MAF: variants seen among roughly 807,000 people sequenced by gnomAD.
The protein encoded by MAF is transcription factor Maf.
Under a neutral mutation model 22.0 loss-of-function variants are expected in MAF, and 10 were observed. The ratio of observed to expected loss-of-function variants is 0.45; its 90% CI spans 0.28 to 0.77. The LOEUF is 0.77. Among genes scored for constraint, MAF ranks in the 30% least tolerant of loss-of-function variants. The pLI is 0.12. For synonymous variants in MAF, 337 were observed against 255.8 expected (o/e 1.32, Z -3.03); for missense variants, 544 against 548.4 (o/e 0.99, Z 0.08).
the MAF span, among the ~76,000 whole-genome samples, chr16:79,303,819 C>T: frequency 1.5e-4 from 23 of 152,268 alleles, no homozygotes; most frequent in African/African-American, 5.5e-4. Flanking sequence ...TTAGGACCAT[C>T]AGAACTCACT....
At chr16:79,335,838 G>C in the MAF span, among the ~76,000 whole-genome samples, 91 of 152,312 alleles carry the variant, frequency 6.0e-4, no homozygotes, top group African/African-American at 1.9e-3. Flanking sequence ...CTTTTGCTCA[G>C]AGGGGACAAG....
At chr16:79,596,106 C>G (rs1304117565) in intron 1 of MAF, 3 of 1,062,006 alleles carry the variant, frequency 2.8e-6, no homozygotes, top group Non-Finnish European at 3.4e-6. Context: ...ACCTCTGATG[C>G]GCCATATTTG....
At chr16:79,436,326 G>A in the MAF span, among the ~76,000 whole-genome samples, 11 of 152,304 alleles carry the variant, frequency 7.2e-5, 1 homozygote, top group African/African-American at 2.6e-4. Flanking sequence ...CAGGTGATCT[G>A]CCCGCTTCAG....
At chr16:79,426,423 A>G in the MAF span, among the ~76,000 whole-genome samples, 1 of 152,180 alleles carries the variant, frequency 6.6e-6, no homozygotes, top group Non-Finnish European at 1.5e-5. Flanking sequence ...GAATATAGCT[A>G]ATAGAACTGT....
the MAF span, among the ~76,000 whole-genome samples, chr16:79,313,713 C>T: frequency 7.9e-5 from 12 of 152,228 alleles, no homozygotes; most frequent in East Asian, 2.1e-3. Context: ...ACCCTAAGCC[C>T]CAGTCTCAGG....
At chr16:79,559,181 G>GT in the MAF span, among the ~76,000 whole-genome samples, 1 of 152,170 alleles carries the variant, frequency 6.6e-6, no homozygotes, top group Admixed American at 6.5e-5. Flanking sequence ...GCACCATCAA[G>GT]AAGATGGCTG....
chr16:79,376,055 T>C, the MAF span, among the ~76,000 whole-genome samples: 6,848 of 151,972 alleles, frequency 0.045, 490 homozygotes, highest in African/African-American at 0.16. Context: ...TTTCAAAACA[T>C]TGACATTGCC....
chr16:79,399,300 C>T, the MAF span, among the ~76,000 whole-genome samples: 4 of 152,208 alleles, frequency 2.6e-5, no homozygotes, highest in Non-Finnish European at 5.9e-5. Flanking sequence ...GTGCTCATGA[C>T]AAGACAACTA....
At chr16:79,534,774 G>T in the MAF span, among the ~76,000 whole-genome samples, 1 of 152,140 alleles carries the variant, frequency 6.6e-6, no homozygotes, top group Admixed American at 6.5e-5. Flanking sequence ...ACTGTGACCA[G>T]TTGTCAGGCA....
At chr16:79,250,117 A>G in the MAF span, among the ~76,000 whole-genome samples, 2 of 152,132 alleles carry the variant, frequency 1.3e-5, no homozygotes, top group South Asian at 4.2e-4. Flanking sequence ...CATTGTTCTC[A>G]CCTCTTTAGC....
At chr16:79,348,328 G>T in the MAF span, among the ~76,000 whole-genome samples, 7 of 152,180 alleles carry the variant, frequency 4.6e-5, no homozygotes, top group Non-Finnish European at 1.0e-4. Flanking sequence ...TACTCAGCAG[G>T]GATAGATAGT....
At chr16:79,551,903 C>A in the MAF span, among the ~76,000 whole-genome samples, 1 of 152,102 alleles carries the variant, frequency 6.6e-6, no homozygotes, top group African/African-American at 2.4e-5. Flanking sequence ...ATGGAAATTT[C>A]CTGCCAATCC....
the MAF span, among the ~76,000 whole-genome samples, chr16:79,463,866 G>A: frequency 6.6e-6 from 1 of 151,404 alleles, no homozygotes; most frequent in African/African-American, 2.4e-5. Context: ...TTTTGCAGGT[G>A]TGGTGTTCTT....
At chr16:79,498,110 C>A in the MAF span, among the ~76,000 whole-genome samples, 1 of 152,212 alleles carries the variant, frequency 6.6e-6, no homozygotes, top group Non-Finnish European at 1.5e-5. Flanking sequence ...TTGCAGAAAT[C>A]ATCATTAAAC....
the MAF span, among the ~76,000 whole-genome samples, chr16:79,552,480 A>G: frequency 1.2e-4 from 18 of 152,312 alleles, no homozygotes; most frequent in Non-Finnish European, 2.5e-4. Context: ...AAGTGACACA[A>G]TTACAGGTAT....
chr16:79,390,153 G>C, the MAF span, among the ~76,000 whole-genome samples: 1 of 152,004 alleles, frequency 6.6e-6, no homozygotes, highest in South Asian at 2.1e-4. Flanking sequence ...GGGTAACATC[G>C]TGGGAGCTGA....
the MAF span, among the ~76,000 whole-genome samples, chr16:79,580,252 A>G: frequency 6.6e-6 from 1 of 152,178 alleles, no homozygotes; most frequent in African/African-American, 2.4e-5. Flanking sequence ...TTTGTAGCAC[A>G]GGTCATGTGC....
the MAF span, among the ~76,000 whole-genome samples, chr16:79,382,470 C>A: frequency 1.3e-5 from 2 of 152,204 alleles, no homozygotes; most frequent in Non-Finnish European, 2.9e-5. Context: ...AATGTGGCAA[C>A]TGCAACTGAG....
the MAF span, among the ~76,000 whole-genome samples, chr16:79,211,285 G>C: frequency 6.6e-6 from 1 of 152,162 alleles, no homozygotes; most frequent in Non-Finnish European, 1.5e-5. Context: ...ACGTTCAGAA[G>C]GATACCATCT....
Sources: gnomAD v4.1 joint callset for allele counts (sites outside exome capture counted in the v4.1 genomes callset) on GRCh38, gnomAD v4.1.1 for gene constraint, MANE v1.5 for transcripts, NCBI Gene and HGNC (gene_info 2026-07-23, HGNC 2026-07-21) for gene names.